Variants in MED16 observed in about 807,000 individuals in gnomAD.
The protein encoded by MED16 is mediator complex subunit 16.
In MED16, 81 loss-of-function variants were observed where a neutral mutation model predicts 84.4. The observed-to-expected ratio is 0.96, with a 90% CI of 0.80 to 1.15. The LOEUF (loss-of-function observed/expected upper bound fraction) is 1.15, where lower values mean the gene tolerates loss of function less well. MED16 is among the 50% of genes most tolerant of loss of function. The pLI, the probability that MED16 is intolerant of heterozygous loss-of-function variation, is 0.00. For missense variants in MED16, 1,585 were observed against 1,245.9 expected (o/e 1.27, Z -4.10); for synonymous variants, 897 against 552.2 (o/e 1.62, Z -8.76).
intron 8 of MED16, among the ~76,000 whole-genome samples, chr19:877,422 G>A (rs2036276087): frequency 6.6e-6 from 1 of 152,162 alleles, no homozygotes; most frequent in Non-Finnish European, 1.5e-5. Context: ...TGCCGAGCCA[G>A]GCTTACACTC....
Position 876,886 on chromosome 19 carries a change from C to CCT in MED16, c.1560+86_1560+87dup, listed in dbSNP as rs999192976. The CCT allele has an allele frequency of 6.5e-6, 9 of 1,379,796 alleles. 1 individual carries two copies. Among genetic ancestry groups the CCT allele is most frequent in the Non-Finnish European group, 8.7e-6 (9 of 1,036,634 alleles). 85.5% of individuals were successfully genotyped at this position (1,379,796 alleles called of 1,614,324 possible). On this transcript the variant is annotated intron_variant, in intron 9 of 15. Transcript: ENST00000325464. ...GGGACCACCTGCCACGGGGCCCCCACCTGCCACGGGGCCCCACCTGCCACG... is the reference window on the plus strand; with the variant it reads ...GGGACCACCTGCCACGGGGCCCCCACCTCTGCCACGGGGCCCCACCTGCCACG...
intron 6 of MED16, among the ~76,000 whole-genome samples, chr19:883,422 G>A (rs2036460327): frequency 6.7e-6 from 1 of 148,356 alleles, no homozygotes; most frequent in Non-Finnish European, 1.5e-5. Context: ...GGCACGGTGG[G>A]CACGTGGGGC....
chr19:880,825 G>A (rs1425003926), intron 7 of MED16, among the ~76,000 whole-genome samples: 1 of 151,922 alleles, frequency 6.6e-6, no homozygotes, highest in Non-Finnish European at 1.5e-5. Context: ...GGAGGCTGAG[G>A]CAGGAAGGAG....
intron 13 of MED16, 56 bp from the exon 14 acceptor site, chr19:869,002 G>T: frequency 6.9e-7 from 1 of 1,448,064 alleles, no homozygotes; most frequent in Non-Finnish European, 9.2e-7. Flanking sequence ...GCCAGGTTCC[G>T]GCAGGGGCAT....
chr19:889,805 A>C lies in MED16; in HGVS notation c.280T>G (p.Ser94Ala). ...TCGGCATCTGCTGACAGGAGCCGGG[A>C]GCCTGAGGGCAAGAAGCCATCATTG... ...ITCLEWDQSG[S>A]RLLSADADGQ... Residue 94 changes from serine to alanine, a missense_variant and splice_region_variant, in exon 4 of 16, where the codon TCC becomes GCC. Coordinates refer to ENST00000325464, the MANE Select transcript of MED16 (RefSeq NM_005481.3). The C allele has an allele frequency of 6.2e-7, 1 of 1,609,928 alleles. No homozygotes were observed. The highest frequency in any genetic ancestry group is 8.5e-7 in the Non-Finnish European group (1 of 1,178,736).
intron 14 of MED16, 68 bp downstream of exon 14, chr19:868,795 G>T: frequency 6.7e-7 from 1 of 1,483,680 alleles, no homozygotes; most frequent in African/African-American, 1.4e-5. Context: ...GCTGGGTGGG[G>T]GCTAGAATCA....
At chr19:885,671 AGCCCGTGGAG>A (rs973589914) in intron 5 of MED16, 89 bp downstream of exon 5, 2 of 1,386,672 alleles carry the variant, frequency 1.4e-6, no homozygotes, top group African/African-American at 2.8e-5. Context: ...ACCACGGTTT[AGCCCGTGGAG>A]GCCCGCGCGG....
At position 882,564 on chromosome 19, in the gene MED16, G is replaced by C. The variant is rs117089291; in HGVS notation, c.986-850C>G. Among the ~76,000 whole-genome samples, 261 of 152,328 alleles carry C rather than the reference G, an allele frequency of 1.7e-3. 1 individual carries two copies. The highest frequency in any genetic ancestry group is 2.9e-3 in the Non-Finnish European group (200 of 68,020). On this transcript the variant is annotated intron_variant, in intron 6 of 15. Coordinates refer to ENST00000325464, the MANE Select transcript of MED16 (RefSeq NM_005481.3). ...AAACAGTGGCCCAGAGAGCACGTGT[G>C]GGGGGTCCTGCTGTGGCTGCATGTG...
intron 7 of MED16, among the ~76,000 whole-genome samples, chr19:881,165 C>G (rs923460827): frequency 5.9e-5 from 9 of 152,188 alleles, no homozygotes; most frequent in African/African-American, 9.7e-5. Flanking sequence ...AGGGTAGGCA[C>G]TGAAGAGTGT....
chr19:888,152 C>T (rs1028765819), intron 4 of MED16, among the ~76,000 whole-genome samples: 5 of 151,642 alleles, frequency 3.3e-5, no homozygotes, highest in South Asian at 4.2e-4. Context: ...TGCAGTGAGC[C>T]GAGATCGCGC....
intron 4 of MED16, among the ~76,000 whole-genome samples, chr19:887,652 C>G (rs1018237393): frequency 3.9e-5 from 6 of 152,050 alleles, no homozygotes; most frequent in African/African-American, 7.2e-5. Flanking sequence ...GTTGACAGAA[C>G]AAGACTCTGT....
intron 13 of MED16, among the ~76,000 whole-genome samples, chr19:869,234 G>A (rs1203950809): frequency 6.6e-6 from 1 of 152,210 alleles, no homozygotes; most frequent in East Asian, 1.9e-4. Context: ...AGGGACGAGG[G>A]TCGGTCCGCC....
chr19:884,106 G>C (rs1361889954), intron 6 of MED16, among the ~76,000 whole-genome samples: 1 of 152,094 alleles, frequency 6.6e-6, no homozygotes, highest in Non-Finnish European at 1.5e-5. Context: ...CCTGCCCCAC[G>C]TGCCCCCACG....
intron 9 of MED16, among the ~76,000 whole-genome samples, chr19:876,651 T>C (rs1277339913): frequency 6.6e-6 from 1 of 151,748 alleles, no homozygotes; most frequent in Non-Finnish European, 1.5e-5. Context: ...TGCCACAGGC[T>C]ACCTGCCCCT....
At chr19:870,942 C>G in intron 13 of MED16, 95 bp downstream of exon 13, 9 of 1,269,562 alleles carry the variant, frequency 7.1e-6, no homozygotes, top group Non-Finnish European at 9.8e-6. Flanking sequence ...TGGGGCAGGA[C>G]ATGCAGGGAG....
chr19:877,390 C>T (rs1485900277), intron 8 of MED16, among the ~76,000 whole-genome samples: 1 of 152,142 alleles, frequency 6.6e-6, no homozygotes, highest in Non-Finnish European at 1.5e-5. Context: ...AGGAAACCTC[C>T]CTGAGCCCCG....
intron 8 of MED16, among the ~76,000 whole-genome samples, chr19:879,371 GC>G (rs2036355782): frequency 1.0e-5 from 1 of 99,816 alleles, no homozygotes; most frequent in East Asian, 2.8e-4. Context: ...ATGCCCACCA[GC>G]CCCAGCCGCA....
intron 8 of MED16, among the ~76,000 whole-genome samples, chr19:878,315 C>T (rs371965593): frequency 9.4e-6 from 1 of 105,836 alleles, no homozygotes; most frequent in Non-Finnish European, 1.9e-5. Context: ...CCCAGCCCCA[C>T]GTGCCCCAGC....
intron 8 of MED16, among the ~76,000 whole-genome samples, chr19:877,576 C>CAGGGGCTGGCG (rs112530485): frequency 0.014 from 2,052 of 150,192 alleles, 19 homozygotes; most frequent in African/African-American, 0.022. Flanking sequence ...GCAGCGCAGG[C>CAGGGGCTGGCG]AGGGGCTGGC....
Sources: gnomAD v4.1 joint callset for allele counts (sites outside exome capture counted in the v4.1 genomes callset) on GRCh38, gnomAD v4.1.1 for gene constraint, MANE v1.5 for transcripts, NCBI Gene and HGNC (gene_info 2026-07-23, HGNC 2026-07-21) for gene names.